Variants in NTM observed in about 807,000 individuals in gnomAD.
NTM encodes the protein neurotrimin.
A neutral mutation model predicts 42.1 loss-of-function variants in NTM; 13 were observed. The observed-to-expected ratio is 0.31, with a 90% confidence interval of 0.20 to 0.49. The LOEUF (loss-of-function observed/expected upper bound fraction) is 0.49, where lower values mean the gene tolerates loss of function less well. Ranked by LOEUF, NTM falls within the 20% of genes least tolerant of loss-of-function variation. The pLI is 0.99. For synonymous variants in NTM, 187 were observed against 179.2 expected, an observed-to-expected ratio of 1.04 and a Z score of -0.35; for missense variants, 373 against 452.8, an observed-to-expected ratio of 0.82 and a Z score of 1.60.
intron 4 of NTM, among the ~76,000 whole-genome samples, chr11:132,278,811 AG>A (rs1168526635): frequency 6.8e-6 from 1 of 146,838 alleles, no homozygotes; most frequent in Non-Finnish European, 1.5e-5. Flanking sequence ...AGTAATCTCC[AG>A]GGTGGCTCTG....
chr11:131,386,081 A>G (rs193206739), intron 1 of NTM, among the ~76,000 whole-genome samples: 86 of 152,358 alleles, frequency 5.6e-4, no homozygotes, highest in Admixed American at 1.6e-3. Context: ...AGTGTCCATC[A>G]TCAACAAATA....
chr11:131,617,896 G>A (rs1262171435), intron 1 of NTM, among the ~76,000 whole-genome samples: 2 of 152,134 alleles, frequency 1.3e-5, no homozygotes, highest in East Asian at 3.9e-4. Flanking sequence ...TTGGGAGGGC[G>A]AGCCACCCAG....
chr11:131,480,851 C>A (rs1953500888), intron 1 of NTM, among the ~76,000 whole-genome samples: 4 of 152,062 alleles, frequency 2.6e-5, no homozygotes. Context: ...CACTTTATAT[C>A]CTGGCTTGAT....
At chr11:131,614,656 C>T (rs560667361) in intron 1 of NTM, among the ~76,000 whole-genome samples, 2 of 152,330 alleles carry the variant, frequency 1.3e-5, no homozygotes, top group African/African-American at 2.4e-5. Flanking sequence ...TCTCTGCCAT[C>T]GTCACTGCTT....
At chr11:131,938,461 G>A (rs1354185673) in intron 2 of NTM, among the ~76,000 whole-genome samples, 7 of 152,250 alleles carry the variant, frequency 4.6e-5, no homozygotes, top group Non-Finnish European at 1.0e-4. Context: ...AAGCATGAGA[G>A]CACTGCAAGA....
At chr11:131,474,437 C>G (rs915433764) in intron 1 of NTM, among the ~76,000 whole-genome samples, 2 of 152,044 alleles carry the variant, frequency 1.3e-5, no homozygotes, top group Non-Finnish European at 2.9e-5. Flanking sequence ...TAGTAATTCC[C>G]CAATCTTGAT....
At chr11:131,855,691 A>C (rs1773934444) in intron 1 of NTM, among the ~76,000 whole-genome samples, 1 of 152,234 alleles carries the variant, frequency 6.6e-6, no homozygotes, top group Admixed American at 6.5e-5. Context: ...TTTAAAGAAC[A>C]GTCAAAATTC....
At chr11:131,550,718 C>T (rs1401002294) in intron 1 of NTM, among the ~76,000 whole-genome samples, 2 of 151,992 alleles carry the variant, frequency 1.3e-5, no homozygotes, top group Non-Finnish European at 2.9e-5. Context: ...GACTAATACA[C>T]CTAGCTATTC....
chr11:132,182,144 A>G (rs548759703), intron 3 of NTM, among the ~76,000 whole-genome samples: 2 of 152,048 alleles, frequency 1.3e-5, no homozygotes, highest in Non-Finnish European at 2.9e-5. Context: ...AGAAACCTCC[A>G]TCATTTGCTA....
intron 3 of NTM, among the ~76,000 whole-genome samples, chr11:132,178,648 A>G (rs1196847862): frequency 6.6e-6 from 1 of 152,152 alleles, no homozygotes; most frequent in Non-Finnish European, 1.5e-5. Flanking sequence ...CGCCTTGTGT[A>G]TTTTTTGGGA....
intron 1 of NTM, among the ~76,000 whole-genome samples, chr11:131,469,247 T>A (rs1269593804): frequency 6.6e-6 from 1 of 152,212 alleles, no homozygotes. Flanking sequence ...AGCAGCACAA[T>A]GTAACTACAA....
chr11:132,126,545 C>T (rs1451484678), intron 2 of NTM, among the ~76,000 whole-genome samples: 1 of 152,232 alleles, frequency 6.6e-6, no homozygotes, highest in East Asian at 1.9e-4. Context: ...ATGGCGGGGG[C>T]AGGAGGAGGG....
intron 2 of NTM, among the ~76,000 whole-genome samples, chr11:132,094,040 G>A (rs192631347): frequency 3.9e-5 from 6 of 152,092 alleles, no homozygotes; most frequent in Admixed American, 1.3e-4. Flanking sequence ...AGAAACCGCC[G>A]GTTTGGTTAC....
chr11:131,656,508 A>T (rs1419143711), intron 1 of NTM, among the ~76,000 whole-genome samples: 1 of 152,224 alleles, frequency 6.6e-6, no homozygotes, highest in East Asian at 1.9e-4. Flanking sequence ...TAGACTTGGG[A>T]CTTGACATAG....
chr11:132,279,243 C>T (rs716717), intron 4 of NTM, among the ~76,000 whole-genome samples: 42,606 of 152,134 alleles, frequency 0.28, 6,581 homozygotes, highest in Middle Eastern at 0.49. Context: ...ACATTCTGTC[C>T]ATTTCCACAG....
chr11:132,203,415 A>G (rs1375819686), intron 3 of NTM, among the ~76,000 whole-genome samples: 1 of 152,200 alleles, frequency 6.6e-6, no homozygotes, highest in Non-Finnish European at 1.5e-5. Context: ...TATAATGAAT[A>G]CAATCAGAGA....
chr11:131,522,404 G>A lies in NTM; in HGVS notation c.82+151516G>A, dbSNP rs571955581. Among the ~76,000 whole-genome samples, 6 of 150,978 alleles carry A rather than the reference G, an allele frequency of 4.0e-5. No individual in the cohort carries two copies. In the South Asian group the frequency reaches 1.3e-3, roughly 32 times the overall value. On this transcript the variant is annotated intron_variant, in intron 1 of 8. Transcript: ENST00000683400. ...TGATATTTGTGGTGTTTCATTTTTA[G>A]CTAATGTAAGTCTAGAAATAAAATG... is the stretch of plus-strand genomic sequence containing the variant.
intron 2 of NTM, among the ~76,000 whole-genome samples, chr11:132,046,690 C>T (rs921422391): frequency 1.3e-5 from 2 of 152,144 alleles, no homozygotes; most frequent in African/African-American, 4.8e-5. Flanking sequence ...CCCTGTGTGC[C>T]TCATGTCTTC....
chr11:132,254,300 C>G (rs970416839), intron 4 of NTM, among the ~76,000 whole-genome samples: 1 of 152,008 alleles, frequency 6.6e-6, no homozygotes, highest in Admixed American at 6.6e-5. Flanking sequence ...TCCTTCTCGC[C>G]CACTTGTCTC....
Sources: allele counts gnomAD v4.1 joint callset (sites outside exome capture counted in the v4.1 genomes callset), GRCh38; gene constraint gnomAD v4.1.1; transcripts MANE v1.5; gene names NCBI Gene and HGNC (gene_info 2026-07-23, HGNC 2026-07-21).